The following DLGAP2 variants were observed in gnomAD, a reference collection of about 807,000 sequenced individuals.
The protein encoded by DLGAP2 is disks large-associated protein 2.
DLGAP2 carries 26 observed loss-of-function variants against 100.3 expected under a neutral mutation model. The observed-to-expected ratio is 0.26, with a 90% CI of 0.19 to 0.36. The LOEUF is 0.36. Among genes scored for constraint, DLGAP2 ranks in the 10% least tolerant of loss-of-function variants. The probability of loss-of-function intolerance (pLI) is 1.00; values close to 1 mark genes in which losing one functional copy is unlikely to be tolerated. For synonymous variants in DLGAP2, 886 were observed against 630.1 expected, an observed-to-expected ratio of 1.41 and a Z score of -6.08; for missense variants, 1,858 against 1,453.2, an observed-to-expected ratio of 1.28 and a Z score of -4.53.
rs113510188 is a variant in DLGAP2 at position 1,450,486 on chromosome 8, T to C, written c.107-50880T>C. ...TGAGGCTGAGCTGTGAGGGTGAAGA[T>C]GAGGTGGGCGGCCTCGGTGGCTGAG... is the stretch of plus-strand genomic sequence containing the variant. On this transcript the variant is annotated intron_variant, in intron 3 of 14. Coordinates refer to ENST00000637795, the MANE Select transcript of DLGAP2 (RefSeq NM_001346810.2). Among the ~76,000 whole-genome samples the C allele has an allele frequency of 4.1e-3, 477 of 115,576 alleles. 7 individuals carry two copies. Among genetic ancestry groups the C allele is most frequent in the African/African-American group, 0.011 (314 of 28,138 alleles). The allele number at this position is 115,576 out of a possible 152,430, so 75.8% of individuals were successfully genotyped here.
At position 1,524,129 on chromosome 8, in the gene DLGAP2, C is replaced by G. The variant is rs1800710738; in HGVS notation, c.172+22698C>G. On this transcript the variant is annotated intron_variant, in intron 4 of 14. Transcript: ENST00000637795. ...GAACTGATCCCCAGACGGGGCTGGC[C>G]TTGTCTTTCAAGCAGAGACCAGAGT... 2.0e-5 allele frequency among the ~76,000 whole-genome samples: 3 copies of G among 152,154 alleles called. No homozygotes were observed. In the South Asian group the frequency reaches 6.2e-4, roughly 32 times the overall value.
At chr8:1,611,147 A>C (rs1796981378) in intron 6 of DLGAP2, among the ~76,000 whole-genome samples, 2 of 140,024 alleles carry the variant, frequency 1.4e-5, no homozygotes, top group Admixed American at 1.4e-4. Flanking sequence ...TCAATAAAAT[A>C]CTGGCAAACC....
intron 1 of DLGAP2, among the ~76,000 whole-genome samples, chr8:802,645 C>T (rs1305947847): frequency 2.6e-5 from 4 of 152,178 alleles, no homozygotes; most frequent in Admixed American, 6.5e-5. Flanking sequence ...ATCTCACCGT[C>T]TCAGGGGTCT....
At chr8:1,006,397 G>A (rs985777214) in intron 2 of DLGAP2, among the ~76,000 whole-genome samples, 6 of 150,560 alleles carry the variant, frequency 4.0e-5, no homozygotes, top group African/African-American at 1.2e-4. Context: ...GGGACACCAT[G>A]TGTCTGAAGT....
At chr8:1,440,366 G>C (rs969519564) in intron 3 of DLGAP2, among the ~76,000 whole-genome samples, 1 of 152,128 alleles carries the variant, frequency 6.6e-6, no homozygotes, top group African/African-American at 2.4e-5. Context: ...TGAATTTTGC[G>C]TTACGTTTCA....
intron 1 of DLGAP2, among the ~76,000 whole-genome samples, chr8:776,393 C>G (rs1211989190): frequency 2.0e-5 from 3 of 152,010 alleles, no homozygotes; most frequent in Non-Finnish European, 1.5e-5. Context: ...CTTCTGCTAG[C>G]TTTTGAATGT....
chr8:1,165,606 G>A (rs941914014), intron 2 of DLGAP2, among the ~76,000 whole-genome samples: 5 of 152,224 alleles, frequency 3.3e-5, no homozygotes, highest in Admixed American at 3.3e-4. Context: ...TTGCCCTTGT[G>A]AAATTGTGCA....
At chr8:1,058,719 C>T (rs1802958751) in intron 2 of DLGAP2, among the ~76,000 whole-genome samples, 1 of 152,202 alleles carries the variant, frequency 6.6e-6, no homozygotes, top group Admixed American at 6.5e-5. Context: ...CCTCTTAAGA[C>T]AGATTGGCCT....
intron 3 of DLGAP2, among the ~76,000 whole-genome samples, chr8:1,489,800 T>C (rs1412094717): frequency 6.6e-6 from 1 of 152,222 alleles, no homozygotes; most frequent in Non-Finnish European, 1.5e-5. Flanking sequence ...GGAATTTCAA[T>C]AACACTTAGA....
chr8:1,116,519 T>A (rs569784401), intron 2 of DLGAP2, among the ~76,000 whole-genome samples: 1 of 152,284 alleles, frequency 6.6e-6, no homozygotes, highest in Non-Finnish European at 1.5e-5. Context: ...GATAATATAT[T>A]TGAAAATATC....
rs148183141 is a variant in DLGAP2, at chr8:1,017,763, C to T, written c.73+109797C>T. Among the ~76,000 whole-genome samples, 1,290 of 152,272 alleles carry T rather than the reference C, an allele frequency of 8.5e-3. 13 individuals are homozygous for T. The highest frequency in any genetic ancestry group is 0.011 in the Non-Finnish European group (762 of 68,026). On this transcript the variant is annotated intron_variant, in intron 2 of 14. Coordinates refer to ENST00000637795, the MANE Select transcript of DLGAP2 (RefSeq NM_001346810.2). ...GAGCCTGCAAGGGGCCTGCCGTGGG[C>T]GGGTAGACTCGTCTGAGTGCAAGTG...
chr8:1,233,512 G>T (rs571333655), intron 2 of DLGAP2, among the ~76,000 whole-genome samples: 2 of 152,334 alleles, frequency 1.3e-5, no homozygotes, highest in African/African-American at 2.4e-5. Context: ...GATGCAGACC[G>T]CAGCTGGAGC....
At chr8:948,454 C>A (rs1386584888) in intron 2 of DLGAP2, among the ~76,000 whole-genome samples, 1 of 152,216 alleles carries the variant, frequency 6.6e-6, no homozygotes, top group Non-Finnish European at 1.5e-5. Context: ...TCCTCAGGCC[C>A]GGCCTCCATC....
At chr8:1,562,823 G>A (rs1584930402) in intron 5 of DLGAP2, among the ~76,000 whole-genome samples, 1 of 30,432 alleles carries the variant, frequency 3.3e-5, no homozygotes. Flanking sequence ...GGGGCTGTGT[G>A]GTGTTGGGGT....
intron 3 of DLGAP2, among the ~76,000 whole-genome samples, chr8:1,468,391 G>T (rs1449732837): frequency 6.7e-6 from 1 of 149,686 alleles, no homozygotes; most frequent in Non-Finnish European, 1.5e-5. Flanking sequence ...TGAGAACCTC[G>T]CCTGTTCACA....
intron 2 of DLGAP2, among the ~76,000 whole-genome samples, chr8:1,158,493 A>C (rs1360422027): frequency 6.6e-6 from 1 of 152,238 alleles, no homozygotes; most frequent in Non-Finnish European, 1.5e-5. Context: ...TATTAATGTA[A>C]TAATTATACC....
chr8:916,544 A>T (rs936802193), intron 2 of DLGAP2, among the ~76,000 whole-genome samples: 1 of 152,216 alleles, frequency 6.6e-6, no homozygotes, highest in African/African-American at 2.4e-5. Context: ...CATTAGGAGA[A>T]ATACCTAATG....
At chr8:1,051,264 C>G (rs1244519461) in intron 2 of DLGAP2, among the ~76,000 whole-genome samples, 1 of 152,064 alleles carries the variant, frequency 6.6e-6, no homozygotes, top group Non-Finnish European at 1.5e-5. Flanking sequence ...TGAAGGGAAC[C>G]CAGGCTCTCT....
At chr8:1,259,212 C>T (rs556005387) in intron 3 of DLGAP2, among the ~76,000 whole-genome samples, 2 of 152,300 alleles carry the variant, frequency 1.3e-5, no homozygotes, top group East Asian at 3.9e-4. Context: ...TAAGTGCATT[C>T]GCCCAAGGTG....
Sources: allele counts gnomAD v4.1 joint callset (sites outside exome capture counted in the v4.1 genomes callset), GRCh38; gene constraint gnomAD v4.1.1; transcripts MANE v1.5; gene names NCBI Gene and HGNC (gene_info 2026-07-23, HGNC 2026-07-21).